Variants in NKAIN2 observed in about 807,000 individuals in gnomAD.
The protein encoded by NKAIN2 is sodium/potassium-transporting ATPase subunit beta-1-interacting protein 2.
Under a neutral mutation model 32.6 loss-of-function variants are expected in NKAIN2, and 14 were observed. The observed-to-expected ratio is 0.43, with a 90% CI of 0.28 to 0.67. NKAIN2 has a LOEUF of 0.67. Ranked by LOEUF, NKAIN2 falls within the 30% of genes least tolerant of loss-of-function variation. NKAIN2 has a pLI of 0.17. For synonymous variants in NKAIN2, 80 were observed against 87.2 expected (o/e 0.92, Z 0.46); for missense variants, 198 against 258.3 (o/e 0.77, Z 1.60).
chr6:124,255,045 G>A (rs751900596), intron 1 of NKAIN2, among the ~76,000 whole-genome samples: 32 of 152,114 alleles, frequency 2.1e-4, no homozygotes, highest in Non-Finnish European at 3.7e-4. Flanking sequence ...AGTAGAGTCC[G>A]GCTGTCTAAA....
At chr6:123,928,151 CA>C (rs1445851791) in intron 1 of NKAIN2, among the ~76,000 whole-genome samples, 1 of 152,048 alleles carries the variant, frequency 6.6e-6, no homozygotes, top group African/African-American at 2.4e-5. Context: ...AATGCAGAAA[CA>C]AAAAACCAAA....
At chr6:124,114,603 G>T (rs1785526085) in intron 1 of NKAIN2, among the ~76,000 whole-genome samples, 1 of 152,068 alleles carries the variant, frequency 6.6e-6, no homozygotes, top group Non-Finnish European at 1.5e-5. Flanking sequence ...AAGTAGAAAA[G>T]AGCTGAGAAC....
intron 1 of NKAIN2, among the ~76,000 whole-genome samples, chr6:124,186,530 G>A (rs1014767860): frequency 6.6e-6 from 1 of 152,154 alleles, no homozygotes; most frequent in African/African-American, 2.4e-5. Flanking sequence ...ATGTGAGGGA[G>A]CTTATGACCC....
At chr6:124,718,383 C>A (rs985505501) in intron 4 of NKAIN2, among the ~76,000 whole-genome samples, 2 of 152,076 alleles carry the variant, frequency 1.3e-5, no homozygotes, top group Non-Finnish European at 2.9e-5. Flanking sequence ...TTTCAAAGTT[C>A]ATTCATGTCA....
At chr6:124,792,126 G>A (rs2114809347) in intron 5 of NKAIN2, among the ~76,000 whole-genome samples, 1 of 152,186 alleles carries the variant, frequency 6.6e-6, no homozygotes, top group East Asian at 1.9e-4. Flanking sequence ...TTCTCTGAGG[G>A]TACTATCATG....
chr6:124,115,696 A>G (rs1304466702), intron 1 of NKAIN2, among the ~76,000 whole-genome samples: 1 of 152,126 alleles, frequency 6.6e-6, no homozygotes, highest in Non-Finnish European at 1.5e-5. Context: ...TGGTGAAGAC[A>G]TCACATTTTC....
At chr6:124,026,016 C>A (rs181532119) in intron 1 of NKAIN2, among the ~76,000 whole-genome samples, 3 of 152,234 alleles carry the variant, frequency 2.0e-5, no homozygotes, top group African/African-American at 7.2e-5. Context: ...TATACTGAGA[C>A]ACAGGAAATA....
intron 1 of NKAIN2, among the ~76,000 whole-genome samples, chr6:123,888,070 A>G (rs948897092): frequency 2.6e-5 from 4 of 152,164 alleles, no homozygotes; most frequent in Non-Finnish European, 5.9e-5. Flanking sequence ...TAAATGCTCT[A>G]TATAAATATA....
At chr6:124,565,276 A>G (rs114272887) in intron 3 of NKAIN2, among the ~76,000 whole-genome samples, 1,956 of 152,318 alleles carry the variant, frequency 0.013, 33 homozygotes, top group African/African-American at 0.044. Context: ...ATTGGACAAC[A>G]ACCACAATGT....
At position 124,712,405 on chromosome 6, in the gene NKAIN2, C is replaced by T. The variant is rs1479951229; in HGVS notation, c.474+54019C>T. Among the ~76,000 whole-genome samples the T allele has an allele frequency of 1.7e-5, 2 of 116,242 alleles. 1 individual carries two copies. The highest frequency in any genetic ancestry group is 3.6e-5 in the Non-Finnish European group (2 of 54,846). The allele number at this position is 116,242 out of a possible 152,430, so 76.3% of individuals were successfully genotyped here. ...ATCAAGCCTGGGCAATGGCGGGCGC[C>T]CCTCCCCCAGGCTCGCTGCCGCCTT... On this transcript the variant is annotated intron_variant, in intron 4 of 6. Coordinates refer to ENST00000368417, the MANE Select transcript of NKAIN2 (RefSeq NM_001040214.3).
At chr6:124,224,766 GAT>G (rs1792019012) in intron 1 of NKAIN2, among the ~76,000 whole-genome samples, 1 of 152,020 alleles carries the variant, frequency 6.6e-6, no homozygotes, top group South Asian at 2.1e-4. Flanking sequence ...TAATATAAGT[GAT>G]ATGTTTTCCA....
chr6:124,705,801 C>T (rs1211524425), intron 4 of NKAIN2, among the ~76,000 whole-genome samples: 2 of 151,784 alleles, frequency 1.3e-5, no homozygotes, highest in East Asian at 1.9e-4. Flanking sequence ...CAAAATAGTA[C>T]GGGTTAGAAA....
chr6:123,916,909 A>C (rs1345745008), intron 1 of NKAIN2, among the ~76,000 whole-genome samples: 2 of 152,064 alleles, frequency 1.3e-5, no homozygotes, highest in African/African-American at 2.4e-5. Context: ...AGAGAACTTT[A>C]CATTTCTAAA....
intron 1 of NKAIN2, among the ~76,000 whole-genome samples, chr6:123,810,646 C>CT (rs35365993): frequency 0.067 from 9,758 of 146,504 alleles, 661 homozygotes; most frequent in African/African-American, 0.18. Flanking sequence ...AAAATATATT[C>CT]TTTTTTTTTT....
chr6:124,129,761 G>A (rs919331676), intron 1 of NKAIN2, among the ~76,000 whole-genome samples: 10 of 152,106 alleles, frequency 6.6e-5, no homozygotes, highest in Non-Finnish European at 1.3e-4. Context: ...GGGATTACAG[G>A]TGCACGCCAC....
intron 3 of NKAIN2, among the ~76,000 whole-genome samples, chr6:124,374,378 T>C (rs1175378314): frequency 6.6e-6 from 1 of 152,132 alleles, no homozygotes; most frequent in Non-Finnish European, 1.5e-5. Context: ...AATTTTCTAA[T>C]AATGATGACC....
chr6:124,042,197 C>A (rs1457016036), intron 1 of NKAIN2, among the ~76,000 whole-genome samples: 1 of 152,088 alleles, frequency 6.6e-6, no homozygotes, highest in East Asian at 1.9e-4. Context: ...ACCTGCCCCT[C>A]AAACTATTCT....
At chr6:124,764,647 G>A (rs1204698355) in intron 4 of NKAIN2, among the ~76,000 whole-genome samples, 1 of 152,118 alleles carries the variant, frequency 6.6e-6, no homozygotes, top group Non-Finnish European at 1.5e-5. Flanking sequence ...AGAAACCTGT[G>A]TTCAGGCTTT....
At chr6:124,104,850 G>T (rs945285390) in intron 1 of NKAIN2, among the ~76,000 whole-genome samples, 2 of 152,140 alleles carry the variant, frequency 1.3e-5, no homozygotes, top group Non-Finnish European at 2.9e-5. Context: ...TATCCCACTG[G>T]TCCAATGCTA....
Sources: allele counts gnomAD v4.1 joint callset (sites outside exome capture counted in the v4.1 genomes callset), GRCh38; gene constraint gnomAD v4.1.1; transcripts MANE v1.5; gene names NCBI Gene and HGNC (gene_info 2026-07-23, HGNC 2026-07-21).